Variants in MYO1D observed in about 807,000 individuals in gnomAD.
MYO1D encodes unconventional myosin-Id.
A neutral mutation model predicts 122.0 loss-of-function variants in MYO1D; 83 were observed. The ratio of observed to expected loss-of-function variants is 0.68; its 90% CI spans 0.57 to 0.82. MYO1D has a LOEUF of 0.82. Ranked by LOEUF, MYO1D falls within the 40% of genes least tolerant of loss-of-function variation. The pLI is 0.00. For synonymous variants in MYO1D, 464 were observed against 446.9 expected, an observed-to-expected ratio of 1.04 and a Z score of -0.48; for missense variants, 1,157 against 1,269.5, an observed-to-expected ratio of 0.91 and a Z score of 1.35.
At chr17:32,733,269 G>A (rs369924592) in intron 14 of MYO1D, among the ~76,000 whole-genome samples, 37 of 152,168 alleles carry the variant, frequency 2.4e-4, no homozygotes, top group African/African-American at 8.7e-4. Flanking sequence ...CACACCCCAA[G>A]GATTCTGTGA....
intron 21 of MYO1D, among the ~76,000 whole-genome samples, chr17:32,548,788 T>A (rs225197): frequency 0.67 from 99,783 of 149,708 alleles, 34,218 homozygotes; most frequent in African/African-American, 0.83. Context: ...ATCTTGGCTC[T>A]CTGCAACCTC....
intron 1 of MYO1D, among the ~76,000 whole-genome samples, chr17:32,863,219 A>G (rs1244739448): frequency 6.6e-6 from 1 of 152,242 alleles, no homozygotes; most frequent in Admixed American, 6.5e-5. Flanking sequence ...CACACAAACA[A>G]TTCAAATACC....
intron 1 of MYO1D, among the ~76,000 whole-genome samples, chr17:32,834,317 A>G (rs1432220425): frequency 2.0e-5 from 3 of 152,220 alleles, no homozygotes; most frequent in East Asian, 3.8e-4. Context: ...GAACAAGTAC[A>G]TATGATACCT....
chr17:32,644,489 G>C (rs1224603222), intron 19 of MYO1D, among the ~76,000 whole-genome samples: 2 of 152,124 alleles, frequency 1.3e-5, no homozygotes, highest in Non-Finnish European at 2.9e-5. Flanking sequence ...CTGTCTCGTT[G>C]ATCTGTCCAG....
chr17:32,856,852 T>TC (rs921319373), intron 1 of MYO1D, among the ~76,000 whole-genome samples: 67 of 152,352 alleles, frequency 4.4e-4, no homozygotes, highest in Non-Finnish European at 2.2e-4. Context: ...CACTTTGATC[T>TC]CAACATGAGA....
chr17:32,511,804 C>T (rs1238080869), intron 21 of MYO1D, among the ~76,000 whole-genome samples: 6 of 152,116 alleles, frequency 3.9e-5, no homozygotes, highest in Non-Finnish European at 7.4e-5. Flanking sequence ...TCTGAACAGA[C>T]GATTTTTAGT....
chr17:32,821,629 T>G (rs896076803), intron 1 of MYO1D, among the ~76,000 whole-genome samples: 3 of 152,082 alleles, frequency 2.0e-5, no homozygotes, highest in Admixed American at 1.3e-4. Context: ...GAACTGAATT[T>G]CCATGGACAG....
chr17:32,714,892 G>A (rs1008907874), intron 15 of MYO1D, among the ~76,000 whole-genome samples: 43 of 151,682 alleles, frequency 2.8e-4, no homozygotes, highest in Non-Finnish European at 5.3e-4. Flanking sequence ...GAATGGGAGA[G>A]AATTTTTGCA....
intron 1 of MYO1D, among the ~76,000 whole-genome samples, chr17:32,817,869 G>A (rs2090625209): frequency 6.6e-6 from 1 of 152,114 alleles, no homozygotes; most frequent in Admixed American, 6.5e-5. Flanking sequence ...GCTCACGCCT[G>A]TAATCCCAGC....
At chr17:32,662,851 T>A (rs577759680) in intron 16 of MYO1D, among the ~76,000 whole-genome samples, 1 of 152,122 alleles carries the variant, frequency 6.6e-6, no homozygotes, top group African/African-American at 2.4e-5. Flanking sequence ...CCAATAAGCA[T>A]AGGCTGTTAT....
At chr17:32,564,820 C>A (rs1461420156) in intron 21 of MYO1D, among the ~76,000 whole-genome samples, 1 of 152,148 alleles carries the variant, frequency 6.6e-6, no homozygotes, top group Non-Finnish European at 1.5e-5. Context: ...AGTATAGGAA[C>A]AAATCCCCAT....
At chr17:32,760,185 A>G in intron 10 of MYO1D, 105 bp downstream of exon 10, 5 of 956,140 alleles carry the variant, frequency 5.2e-6, no homozygotes, top group Non-Finnish European at 8.4e-6. Context: ...TAAGGTTCAG[A>G]TGTTTCAAAT....
At position 32,654,589 on chromosome 17, in the gene MYO1D, G is replaced by A. The variant is rs770610542; in HGVS notation, c.2378C>T (p.Pro793Leu). ...WRASQLIKSI[P>L]ASDLPQVRAK... ...CCTGACCTGGGGCAGGTCTGAGGCCGGAATGCTCTTGATGAGCTGGGATGC... is the reference window on the plus strand; with the variant it reads ...CCTGACCTGGGGCAGGTCTGAGGCCAGAATGCTCTTGATGAGCTGGGATGC... The change falls in exon 18 of 22, where the codon CCG (proline) becomes CTG (leucine). Residue 793 changes from proline to leucine, a missense_variant. Pro to Leu is a moderately conservative substitution (Grantham distance 98). Coordinates refer to ENST00000318217, the MANE Select transcript of MYO1D (RefSeq NM_015194.3). 3.2e-5 allele frequency: 51 copies of A among 1,612,862 alleles called. No individual in the cohort carries two copies. The highest frequency in any genetic ancestry group is 4.0e-5 in the African/African-American group (3 of 74,822).
intron 19 of MYO1D, among the ~76,000 whole-genome samples, chr17:32,643,078 T>A (rs992984585): frequency 1.4e-4 from 22 of 152,246 alleles, no homozygotes; most frequent in Non-Finnish European, 2.9e-5. Context: ...ATAGTTCTTA[T>A]TATTTTGAGA....
chr17:32,738,370 G>A lies in MYO1D; in HGVS notation c.1629C>T (p.Leu543=), dbSNP rs769369886. Residue 543 remains leucine (L), a synonymous_variant, in exon 14 of 22, where the codon CTC becomes CTT. Transcript: ENST00000318217. ...GTTTGCCTTCAGGCCACATATTCTT[G>A]AGCACAGGATTTGAACTGAGAAGCA... ...RLMYNSSNPV[L]KNMWPEGKLS... is the part of the protein sequence containing the mutation. The A allele has an allele frequency of 1.3e-6, 2 of 1,597,568 alleles. No homozygotes were observed. Among genetic ancestry groups the A allele is most frequent in the African/African-American group, 2.7e-5 (2 of 74,478 alleles).
chr17:32,638,951 T>C (rs1157613827), intron 19 of MYO1D, 116 bp from the exon 20 acceptor site: 10 of 668,714 alleles, frequency 1.5e-5, no homozygotes, highest in Non-Finnish European at 2.7e-5. Flanking sequence ...CTCTACTGGA[T>C]GCAATAAAGA....
intron 16 of MYO1D, among the ~76,000 whole-genome samples, chr17:32,671,959 T>C (rs2088727752): frequency 6.6e-6 from 1 of 152,240 alleles, no homozygotes; most frequent in Admixed American, 6.5e-5. Context: ...ATGAACATAT[T>C]ATCTATCCTG....
chr17:32,778,428 A>ACTAGTT lies in MYO1D; in HGVS notation c.398+51_398+52insAACTAG, dbSNP rs750304694. 259 of 1,554,436 alleles carry ACTAGTT rather than the reference A, an allele frequency of 1.7e-4. 1 individual carries two copies. The Admixed American group carries it at 2.2e-3, about 13-fold the overall frequency. On this transcript the variant is annotated intron_variant, in intron 3 of 21. Coordinates refer to ENST00000318217, the MANE Select transcript of MYO1D (RefSeq NM_015194.3). The stretch of plus-strand genomic sequence containing the variant: ...CTAGAGTTTAGGTCTAGCCAAGTCC[A>ACTAGTT]TAGAGAAAACAGAGTGCTAAGAATT...
At chr17:32,773,452 GA>G (rs1292915145) in intron 4 of MYO1D, among the ~76,000 whole-genome samples, 1 of 152,120 alleles carries the variant, frequency 6.6e-6, no homozygotes, top group Admixed American at 6.5e-5. Flanking sequence ...TCACTGTGGG[GA>G]CACTTGCCTT....
Sources: gnomAD v4.1 joint callset for allele counts (sites outside exome capture counted in the v4.1 genomes callset) on GRCh38, gnomAD v4.1.1 for gene constraint, MANE v1.5 for transcripts, NCBI Gene and HGNC (gene_info 2026-07-23, HGNC 2026-07-21) for gene names.